Variants in FAF1 observed in about 807,000 individuals in gnomAD.
FAF1 encodes the protein FAS-associated factor 1.
Under a neutral mutation model 92.5 loss-of-function variants are expected in FAF1, and 25 were observed. The observed-to-expected ratio is 0.27, with a 90% CI of 0.20 to 0.38. The LOEUF is 0.38. FAF1 is among the 10% of genes least tolerant of loss of function. FAF1 has a pLI of 1.00. For synonymous variants in FAF1, 234 were observed against 273.2 expected, an observed-to-expected ratio of 0.86 and a Z score of 1.42; for missense variants, 636 against 793.3, an observed-to-expected ratio of 0.80 and a Z score of 2.38.
intron 1 of FAF1, among the ~76,000 whole-genome samples, chr1:50,867,142 G>A (rs931552394): frequency 6.6e-6 from 1 of 152,112 alleles, no homozygotes; most frequent in African/African-American, 2.4e-5. Context: ...ACATGCAGAA[G>A]AATGAAACTG....
chr1:50,490,625 A>C lies in FAF1; in HGVS notation c.1616T>G (p.Leu539Trp). The change falls in exon 17 of 19, where the codon TTG becomes TGG. Residue 539 changes from leucine (L) to tryptophan (W), a missense_variant. Leu to Trp is a moderately conservative substitution (Grantham distance 61). This residue lies in a region of FAF1 where 319 missense variants were observed against 451.0 expected (regional missense o/e 0.71). Transcript: ENST00000396153. ...HEREMAEQFR[L>W]EQIRKEQEEE... Reference sequence around the variant, plus strand: ...TTCTTGTTCTTTGCGAATCTGCTCCAAACGAAACTGTTCTGCCATCTCTCT... The same window carrying C: ...TTCTTGTTCTTTGCGAATCTGCTCCCAACGAAACTGTTCTGCCATCTCTCT... 6.2e-7 allele frequency: 1 copy of C among 1,613,620 alleles called. No individual in the cohort carries two copies. The highest frequency in any genetic ancestry group is 1.1e-5 in the South Asian group (1 of 91,060).
intron 8 of FAF1, among the ~76,000 whole-genome samples, chr1:50,632,656 T>C (rs368574629): frequency 3.9e-5 from 6 of 152,158 alleles, no homozygotes; most frequent in African/African-American, 1.4e-4. Flanking sequence ...GTGTCTCCGA[T>C]TCTTCTTGAC....
chr1:50,668,489 T>A (rs1655727806), intron 7 of FAF1, among the ~76,000 whole-genome samples: 1 of 152,208 alleles, frequency 6.6e-6, no homozygotes, highest in Non-Finnish European at 1.5e-5. Context: ...TTAAGAAAAG[T>A]AGCTGCCTTG....
At chr1:50,941,456 AT>A (rs1252357871) in intron 1 of FAF1, among the ~76,000 whole-genome samples, 1 of 152,124 alleles carries the variant, frequency 6.6e-6, no homozygotes, top group African/African-American at 2.4e-5. Context: ...ATCTCAAGTG[AT>A]CCACCCATCT....
chr1:50,752,425 T>G (rs997588813), intron 4 of FAF1, among the ~76,000 whole-genome samples: 1 of 152,244 alleles, frequency 6.6e-6, no homozygotes, highest in Non-Finnish European at 1.5e-5. Context: ...CATAAGTTTG[T>G]TCTTAATATC....
At chr1:50,636,445 G>A (rs1196716290) in intron 8 of FAF1, among the ~76,000 whole-genome samples, 1 of 141,220 alleles carries the variant, frequency 7.1e-6, no homozygotes, top group Non-Finnish European at 1.5e-5. Context: ...GAGTATAGTG[G>A]TGCGATCTCA....
At chr1:50,617,651 T>C (rs561077583) in intron 8 of FAF1, among the ~76,000 whole-genome samples, 2 of 151,500 alleles carry the variant, frequency 1.3e-5, no homozygotes, top group East Asian at 1.9e-4. Flanking sequence ...AGGGTGACGC[T>C]GGCCTCACAG....
At chr1:50,543,907 A>G (rs924823073) in intron 13 of FAF1, among the ~76,000 whole-genome samples, 5 of 152,204 alleles carry the variant, frequency 3.3e-5, no homozygotes, top group Non-Finnish European at 5.9e-5. Context: ...TCTTTTAAAT[A>G]CATTTATATT....
chr1:50,722,756 G>A (rs916251497), intron 6 of FAF1, among the ~76,000 whole-genome samples: 5 of 151,702 alleles, frequency 3.3e-5, no homozygotes, highest in Admixed American at 1.3e-4. Flanking sequence ...TGCAAGGCCC[G>A]CTGCTCATAT....
chr1:50,684,970 A>G (rs917415001), intron 7 of FAF1, among the ~76,000 whole-genome samples: 1 of 152,212 alleles, frequency 6.6e-6, no homozygotes, highest in African/African-American at 2.4e-5. Flanking sequence ...GCACAATATC[A>G]CTGTGTGGTA....
intron 8 of FAF1, among the ~76,000 whole-genome samples, chr1:50,621,391 C>CTTTTTTTTTTTTT (rs36053834): frequency 3.4e-4 from 30 of 89,218 alleles, no homozygotes; most frequent in African/African-American, 5.1e-4. Flanking sequence ...TTCTTTTTTT[C>CTTTTTTTTTTTTT]TTTTTTTTTT....
At chr1:50,719,075 T>C (rs1365914811) in intron 6 of FAF1, among the ~76,000 whole-genome samples, 2 of 152,234 alleles carry the variant, frequency 1.3e-5, no homozygotes, top group Admixed American at 6.5e-5. Flanking sequence ...CTGGCACATA[T>C]GTAAATGAGC....
intron 6 of FAF1, among the ~76,000 whole-genome samples, chr1:50,721,361 C>T (rs1027612373): frequency 2.0e-5 from 3 of 151,952 alleles, no homozygotes; most frequent in African/African-American, 4.8e-5. Flanking sequence ...ACTACAGGCA[C>T]GCACCACTAC....
chr1:50,558,039 C>T (rs1267708307), intron 13 of FAF1, among the ~76,000 whole-genome samples: 1 of 151,938 alleles, frequency 6.6e-6, no homozygotes, highest in Non-Finnish European at 1.5e-5. Context: ...GCTGGGACTA[C>T]AGGCATGTGC....
intron 1 of FAF1, among the ~76,000 whole-genome samples, chr1:50,934,272 T>C (rs1367949931): frequency 6.6e-6 from 1 of 152,200 alleles, no homozygotes; most frequent in Non-Finnish European, 1.5e-5. Flanking sequence ...ATTTTTTAAA[T>C]ACTTACCCAT....
chr1:50,935,984 G>T (rs887441916), intron 1 of FAF1, among the ~76,000 whole-genome samples: 1 of 152,212 alleles, frequency 6.6e-6, no homozygotes, highest in Non-Finnish European at 1.5e-5. Context: ...CTCAGACAGT[G>T]TTAACTAACA....
At chr1:50,865,290 G>A (rs1178291004) in intron 1 of FAF1, among the ~76,000 whole-genome samples, 4 of 151,928 alleles carry the variant, frequency 2.6e-5, no homozygotes, top group Admixed American at 6.6e-5. Context: ...CGATTCCTCA[G>A]GGATCTAGAA....
At chr1:50,490,463 A>AAGG in intron 17 of FAF1, 125 bp downstream of exon 17, 6 of 565,300 alleles carry the variant, frequency 1.1e-5, no homozygotes, top group South Asian at 4.1e-5. Context: ...AAGGAAGGAA[A>AAGG]AAGAAAGAAG....
Position 50,562,014 on chromosome 1 carries a change from A to G in FAF1, c.1268+5063T>C, listed in dbSNP as rs545714503. On this transcript the variant is annotated intron_variant, in intron 13 of 18. Transcript: ENST00000396153. ...GCTATTAGTACAAGTTAGTACAGAT[A>G]TATTATGGGAGCATACAGAATATGC... Among the ~76,000 whole-genome samples the G allele has an allele frequency of 2.6e-5, 4 of 152,330 alleles. 1 individual carries two copies. The South Asian group carries it at 6.2e-4, about 24-fold the overall frequency.
Sources: allele counts gnomAD v4.1 joint callset (sites outside exome capture counted in the v4.1 genomes callset), GRCh38; gene constraint gnomAD v4.1.1; regional missense constraint gnomAD v4.1.1; transcripts MANE v1.5; gene names NCBI Gene and HGNC (gene_info 2026-07-23, HGNC 2026-07-21).